LYN: variants seen among roughly 807,000 people sequenced by gnomAD.
LYN encodes the protein tyrosine-protein kinase Lyn.
Under a neutral mutation model 65.0 loss-of-function variants are expected in LYN, and 12 were observed. The observed-to-expected ratio is 0.18, with a 90% CI of 0.12 to 0.30. LYN has a LOEUF of 0.30. LYN is among the 10% of genes least tolerant of loss of function. LYN has a pLI of 1.00. For synonymous variants in LYN, 222 were observed against 221.2 expected, an observed-to-expected ratio of 1.00 and a Z score of -0.03; for missense variants, 380 against 623.2, an observed-to-expected ratio of 0.61 and a Z score of 4.16.
rs1253939367 is a variant in LYN, at chr8:56,013,570, CG to C, written c.*3464del. 3.3e-5 allele frequency: 5 copies of C among 152,212 alleles called. No individual in the cohort carries two copies. Among genetic ancestry groups the C allele is most frequent in the African/African-American group, 9.7e-5 (4 of 41,438 alleles). The allele number at this position is 152,212 out of a possible 1,614,324, so 9.4% of individuals were successfully genotyped here. On this transcript the variant is annotated 3_prime_UTR_variant, in exon 13 of 13. Coordinates refer to ENST00000519728, the MANE Select transcript of LYN (RefSeq NM_002350.4). Reference sequence around the variant, plus strand: ...ACAAGTGTGAGCCACTGTGCCCGGTCGGGGTCTGCTTTCTCTTTATTCCCCG... The same window carrying C: ...ACAAGTGTGAGCCACTGTGCCCGGTCGGGTCTGCTTTCTCTTTATTCCCCG...
intron 8 of LYN, among the ~76,000 whole-genome samples, chr8:55,962,127 A>G (rs1185817873): frequency 6.6e-6 from 1 of 152,186 alleles, no homozygotes; most frequent in Non-Finnish European, 1.5e-5. Flanking sequence ...GCTACAGTTC[A>G]TTCATCTTCA....
At chr8:55,890,725 GA>G (rs1440400774) in intron 1 of LYN, among the ~76,000 whole-genome samples, 16 of 78,508 alleles carry the variant, frequency 2.0e-4, no homozygotes, top group Admixed American at 3.4e-4. Context: ...ATGTACATTG[GA>G]ATTTTTTTTT....
intron 1 of LYN, among the ~76,000 whole-genome samples, chr8:55,897,168 C>A (rs1805133774): frequency 6.6e-6 from 1 of 152,206 alleles, no homozygotes; most frequent in Admixed American, 6.5e-5. Flanking sequence ...GATCGCATTA[C>A]AGTCTTGACC....
intron 1 of LYN, among the ~76,000 whole-genome samples, chr8:55,886,111 C>A (rs912810145): frequency 2.0e-5 from 3 of 152,084 alleles, no homozygotes; most frequent in Non-Finnish European, 4.4e-5. Flanking sequence ...CTTGGGTAGA[C>A]GTTTCGAAAT....
At chr8:55,885,592 C>T (rs183892491) in intron 1 of LYN, among the ~76,000 whole-genome samples, 2 of 152,318 alleles carry the variant, frequency 1.3e-5, no homozygotes, top group East Asian at 3.9e-4. Flanking sequence ...CATTCTGCCT[C>T]CCACTGAAGC....
In LYN at chr8:56,012,638, G is replaced by T. The variant is rs910009100; in HGVS notation, c.*2528G>T. 6.5e-6 allele frequency: 1 copy of T among 152,676 alleles called. No individual in the cohort carries two copies. Among genetic ancestry groups the T allele is most frequent in the Non-Finnish European group, 1.5e-5 (1 of 68,556 alleles). 9.5% of individuals were successfully genotyped at this position (152,676 alleles called of 1,614,324 possible). A position where few individuals can be genotyped will look rare whatever the true frequency, so the allele number is the denominator to read the frequency against. ...GGAGGCTGAGGTGGGAGGATTGCTT[G>T]AGCCCAGGAAGTCAAGGCTGCAGTG... On this transcript the variant is annotated 3_prime_UTR_variant, in exon 13 of 13. Transcript: ENST00000519728.
intron 1 of LYN, among the ~76,000 whole-genome samples, chr8:55,932,145 A>G (rs1806288408): frequency 6.6e-6 from 1 of 152,230 alleles, no homozygotes; most frequent in Non-Finnish European, 1.5e-5. Flanking sequence ...TAGGGATACC[A>G]GAAAGAAGCA....
At chr8:55,937,770 A>C (rs113953388) in intron 1 of LYN, among the ~76,000 whole-genome samples, 1 of 152,114 alleles carries the variant, frequency 6.6e-6, no homozygotes, top group Non-Finnish European at 1.5e-5. Context: ...ATCTTGGCTT[A>C]CTGCAACCTC....
In LYN at chr8:56,012,279, T is replaced by C. The variant is rs760471477; in HGVS notation, c.*2169T>C. The stretch of plus-strand genomic sequence containing the variant: ...AGGGGCTGAATAGGTGTTTGTAGCA[T>C]TTTCGGGTATCCAGTGGTGTGCAAA... On this transcript the variant is annotated 3_prime_UTR_variant, in exon 13 of 13. Transcript: ENST00000519728. 1 of 180,088 alleles carries C rather than the reference T, an allele frequency of 5.6e-6. No individual in the cohort carries two copies. Among genetic ancestry groups the C allele is most frequent in the African/African-American group, 2.4e-5 (1 of 42,428 alleles). The allele number at this position is 180,088 out of a possible 1,614,324, so 11.2% of individuals were successfully genotyped here.
intron 1 of LYN, among the ~76,000 whole-genome samples, chr8:55,911,658 C>T (rs951212165): frequency 1.8e-5 from 2 of 113,978 alleles, no homozygotes; most frequent in African/African-American, 6.2e-5. Flanking sequence ...TATCTGGTAA[C>T]CCTGGGGGCA....
chr8:55,909,459 G>A (rs1405574795), intron 1 of LYN, among the ~76,000 whole-genome samples: 5 of 152,190 alleles, frequency 3.3e-5, no homozygotes, highest in Admixed American at 3.3e-4. Flanking sequence ...TGGCAGATTC[G>A]CCCCATTGGC....
intron 1 of LYN, among the ~76,000 whole-genome samples, chr8:55,892,998 G>A (rs878958143): frequency 1.3e-5 from 2 of 152,028 alleles, no homozygotes; most frequent in Non-Finnish European, 2.9e-5. Context: ...TCCAGTGTAG[G>A]CTTCTAAACA....
At chr8:55,940,919 G>A (rs938407164) in intron 1 of LYN, among the ~76,000 whole-genome samples, 1 of 152,074 alleles carries the variant, frequency 6.6e-6, no homozygotes, top group Non-Finnish European at 1.5e-5. Context: ...CATGGCTTGC[G>A]GAGACCGTCA....
At chr8:55,909,755 A>G (rs1805544593) in intron 1 of LYN, among the ~76,000 whole-genome samples, 2 of 152,164 alleles carry the variant, frequency 1.3e-5, no homozygotes, top group African/African-American at 2.4e-5. Flanking sequence ...CAACCTCACC[A>G]ATATCTATTG....
chr8:55,958,011 G>A (rs1807169131), intron 8 of LYN, among the ~76,000 whole-genome samples: 1 of 152,142 alleles, frequency 6.6e-6, no homozygotes, highest in Admixed American at 6.5e-5. Flanking sequence ...AAGTGCTGCT[G>A]TCAGCTGTGG....
At chr8:55,917,305 C>A (rs1805807389) in intron 1 of LYN, among the ~76,000 whole-genome samples, 1 of 152,142 alleles carries the variant, frequency 6.6e-6, no homozygotes. Context: ...CCCGCCTCAG[C>A]CTCCCAAGTA....
At chr8:55,994,059 T>A (rs2130575126) in intron 10 of LYN, among the ~76,000 whole-genome samples, 1 of 152,334 alleles carries the variant, frequency 6.6e-6, no homozygotes, top group East Asian at 1.9e-4. Flanking sequence ...AAGGAGTCTC[T>A]GATTTCTTCC....
intron 10 of LYN, among the ~76,000 whole-genome samples, chr8:55,974,165 G>C (rs1332222216): frequency 6.6e-6 from 1 of 152,146 alleles, no homozygotes; most frequent in Non-Finnish European, 1.5e-5. Flanking sequence ...TTGATCCAGG[G>C]ACTTCTGACT....
chr8:55,890,057 G>T (rs1020958891), intron 1 of LYN, among the ~76,000 whole-genome samples: 3 of 136,816 alleles, frequency 2.2e-5, no homozygotes, highest in Admixed American at 1.7e-4. Context: ...CAGGTGGATT[G>T]CTTGAAGCCA....
Sources: gnomAD v4.1 joint callset for allele counts (sites outside exome capture counted in the v4.1 genomes callset) on GRCh38, gnomAD v4.1.1 for gene constraint, MANE v1.5 for transcripts, NCBI Gene and HGNC (gene_info 2026-07-23, HGNC 2026-07-21) for gene names.